Variants in SIDT2 observed in about 807,000 individuals in gnomAD.
The protein encoded by SIDT2 is SID1 transmembrane family member 2.
In SIDT2, 68 loss-of-function variants were observed where a neutral mutation model predicts 114.4. The ratio of observed to expected loss-of-function variants is 0.59; its 90% CI spans 0.49 to 0.73. SIDT2 has a LOEUF of 0.73. Ranked by LOEUF, SIDT2 falls within the 30% of genes least tolerant of loss-of-function variation. SIDT2 has a pLI of 0.00. For missense variants in SIDT2, 918 were observed against 1,097.1 expected (o/e 0.84, Z 2.31); for synonymous variants, 470 against 438.4 (o/e 1.07, Z -0.90).
intron 1 of SIDT2, chr11:117,179,696 A>G: frequency 2.1e-6 from 1 of 487,660 alleles, no homozygotes; most frequent in East Asian, 3.5e-5. Flanking sequence ...CCATTCTTCC[A>G]TCAGTTGTGG....
intron 10 of SIDT2, 75 bp from the exon 11 acceptor site, chr11:117,187,303 C>T (rs2030533137): frequency 4.9e-6 from 7 of 1,432,202 alleles, no homozygotes; most frequent in Non-Finnish European, 4.9e-6. Flanking sequence ...TTCTCTGGAC[C>T]TTTCTTTGTT....
Position 117,182,095 on chromosome 11 carries a change from C to T in SIDT2, c.506C>T (p.Ala169Val). The T allele has an allele frequency of 6.2e-7, 1 of 1,614,010 alleles. No homozygotes were observed. The highest frequency in any genetic ancestry group is 1.1e-5 in the South Asian group (1 of 91,078). Residue 169 changes from alanine to valine, a missense_variant, in exon 4 of 26, where the codon GCA becomes GTA. By Grantham distance (64) the Ala-to-Val change is moderately conservative. Coordinates refer to ENST00000324225, the MANE Select transcript of SIDT2 (RefSeq NM_001040455.2). ...CAGTTCAGCTTCAATACCACAGCAG[C>T]ACAGCCCCAGGTAACATCTCCCTGT... ...GEQFSFNTTA[A>V]QPQYFKYEFP... is the part of the protein sequence containing the mutation.
chr11:117,195,819 G>A lies in SIDT2; in HGVS notation c.2340G>A (p.Ser780=), dbSNP rs777894432. ...LSTWQKTPAE[S]REHNRDCILL... is the part of the protein sequence containing the mutation. ...TCCCCAAGAAAACCCCTGCAGAGTC[G>A]AGGGAGCACAACCGGGACTGCATCC... The change falls in exon 25 of 26, where the codon TCG becomes TCA. Residue 780 remains serine (S), a synonymous_variant. Transcript: ENST00000324225. 8.1e-6 allele frequency: 13 copies of A among 1,614,184 alleles called. No individual in the cohort carries two copies. Among genetic ancestry groups the A allele is most frequent in the East Asian group, 4.5e-5 (2 of 44,874 alleles).
rs375518971 is a variant in SIDT2 at position 117,182,069 on chromosome 11, G to A, written c.480G>A (p.Glu160=). The change falls in exon 4 of 26, where the codon GAG becomes GAA. Residue 160 remains glutamate, a synonymous_variant. Transcript: ENST00000324225. Reference sequence around the variant, plus strand: ...CTTCTCTGCCCTGCAGGACTGGGGAGCAGTTCAGCTTCAATACCACAGCAG... The same window carrying A: ...CTTCTCTGCCCTGCAGGACTGGGGAACAGTTCAGCTTCAATACCACAGCAG... ...RMDDFVLRTG[E]QFSFNTTAAQ... is the part of the protein sequence containing the mutation. The A allele has an allele frequency of 8.5e-5, 138 of 1,614,092 alleles. No individual in the cohort carries two copies. The highest frequency in any genetic ancestry group is 7.6e-4 in the African/African-American group (57 of 75,036).
intron 15 of SIDT2, 135 bp downstream of exon 15, chr11:117,189,536 T>G: frequency 2.1e-6 from 2 of 939,542 alleles, no homozygotes; most frequent in South Asian, 3.2e-5. Flanking sequence ...CCCAGCCGAG[T>G]GACCCAGGGC....
In SIDT2 at chr11:117,195,991, G is replaced by A. The variant is rs374056535; in HGVS notation, c.2437-13G>A. ...CCTCCTTCTCTGTGGCTGATCTGGC[G>A]TCCACACCCCAGGTGTTGCTGACAC... On this transcript the variant is annotated splice_polypyrimidine_tract_variant and intron_variant, in intron 25 of 25. Coordinates refer to ENST00000324225, the MANE Select transcript of SIDT2 (RefSeq NM_001040455.2). The A allele has an allele frequency of 6.8e-6, 11 of 1,614,108 alleles. No individual in the cohort carries two copies. The highest frequency in any genetic ancestry group is 2.2e-5 in the East Asian group (1 of 44,892).
At chr11:117,179,659 GGCTC>G in intron 1 of SIDT2, 1 of 550,210 alleles carries the variant, frequency 1.8e-6, no homozygotes, top group South Asian at 2.5e-5. Flanking sequence ...TTTTGAAGTT[GGCTC>G]ATTCCCATCT....
chr11:117,196,053 T>A lies in SIDT2; in HGVS notation c.2486T>A (p.Ile829Asn), dbSNP rs769262214. The change falls in exon 26 of 26, where the codon ATC (isoleucine) becomes AAC (asparagine). Residue 829 changes from isoleucine to asparagine, a missense_variant. This residue lies in a region of SIDT2 where 275 missense variants were observed against 397.6 expected (regional missense o/e 0.69). Coordinates refer to ENST00000324225, the MANE Select transcript of SIDT2 (RefSeq NM_001040455.2). The surrounding 1 kb of genome is among the most constrained non-coding windows in gnomAD (Gnocchi z 4.9). ...CTGGATACTGTGCAGCGGGACAAGA[T>A]CTATGTCTTCTAGCAGGAGCTGGGC... ...DDLDTVQRDK[I>N]YVF is the part of the protein sequence containing the mutation. The A allele has an allele frequency of 6.2e-7, 1 of 1,614,192 alleles. No homozygotes were observed. The highest frequency in any genetic ancestry group is 1.7e-5 in the Admixed American group (1 of 60,032).
At chr11:117,184,523 A>G (rs888110737) in intron 8 of SIDT2, among the ~76,000 whole-genome samples, 1 of 152,228 alleles carries the variant, frequency 6.6e-6, no homozygotes, top group Non-Finnish European at 1.5e-5. Context: ...AAACACTGCT[A>G]TAAGATTGAG....
In SIDT2 at chr11:117,192,165, C is replaced by G; in HGVS notation, c.1873-89C>G. 6.6e-7 allele frequency: 1 copy of G among 1,505,916 alleles called. No homozygotes were observed. The highest frequency in any genetic ancestry group is 9.2e-7 in the Non-Finnish European group (1 of 1,088,968). The allele number at this position is 1,505,916 out of a possible 1,614,324, so 93.3% of individuals were successfully genotyped here. A position where few individuals can be genotyped will look rare whatever the true frequency, so the allele number is the denominator to read the frequency against. On this transcript the variant is annotated intron_variant, in intron 19 of 25. Coordinates refer to ENST00000324225, the MANE Select transcript of SIDT2 (RefSeq NM_001040455.2). This position sits in a 1 kb window ranked among gnomAD's most constrained non-coding sequence, Gnocchi z 5.9. The stretch of plus-strand genomic sequence containing the variant: ...CCTGGGCCCCTCTCAGAGTCCCAGC[C>G]TGGCTGAGCAGCCAGCCCCAGGAAG...
At position 117,185,908 on chromosome 11, in the gene SIDT2, G is replaced by A. The variant is rs551686617; in HGVS notation, c.869-222G>A. On this transcript the variant is annotated intron_variant, in intron 8 of 25. Transcript: ENST00000324225. ...AAAAAAAAAAAAAGTAGAAGAGAAA[G>A]TTCTAGCCCAGGGAGCAACATGAGC... 1.6e-5 allele frequency: 6 copies of A among 383,264 alleles called. No homozygotes were observed. In the East Asian group the frequency reaches 1.6e-4, roughly 10 times the overall value. The allele number at this position is 383,264 out of a possible 1,614,324, so 23.7% of individuals were successfully genotyped here.
chr11:117,192,444 C>G lies in SIDT2; in HGVS notation c.1981+82C>G. ...CGGACGCACGGGAGACGCTCAGGTT[C>G]TGTCTTGGGGGCCCTGGAGTCACTG... On this transcript the variant is annotated intron_variant, in intron 20 of 25. Transcript: ENST00000324225. The surrounding 1 kb of genome is among the most constrained non-coding windows in gnomAD (Gnocchi z 5.9). The G allele has an allele frequency of 7.1e-7, 1 of 1,404,184 alleles. No homozygotes were observed. Among genetic ancestry groups the G allele is most frequent in the Middle Eastern group, 1.8e-4 (1 of 5,706 alleles). The allele number at this position is 1,404,184 out of a possible 1,614,324, so 87.0% of individuals were successfully genotyped here.
At position 117,196,330 on chromosome 11, in the gene SIDT2, G is replaced by T; in HGVS notation, c.*264G>T. 1 of 534,486 alleles carries T rather than the reference G, an allele frequency of 1.9e-6. No homozygotes were observed. Among genetic ancestry groups the T allele is most frequent in the Non-Finnish European group, 3.4e-6 (1 of 296,594 alleles). 33.1% of individuals were successfully genotyped at this position (534,486 alleles called of 1,614,324 possible). On this transcript the variant is annotated 3_prime_UTR_variant, in exon 26 of 26. Transcript: ENST00000324225. The surrounding 1 kb of genome is among the most constrained non-coding windows in gnomAD (Gnocchi z 4.9). The stretch of plus-strand genomic sequence containing the variant: ...AATTGCTGCTTTCTTCTCAGTGTTG[G>T]GGCCTTCCATGGGCCCCTGTCCTTT...
Position 117,188,613 on chromosome 11 carries a change from A to C in SIDT2, c.1160-95A>C. Reference sequence around the variant, plus strand: ...CCAGCCCACAATTTGCCTCTTCCCTACTGCCTAATAATTGTTACAATTGCC... The same window carrying C: ...CCAGCCCACAATTTGCCTCTTCCCTCCTGCCTAATAATTGTTACAATTGCC... On this transcript the variant is annotated intron_variant, in intron 12 of 25. Coordinates refer to ENST00000324225, the MANE Select transcript of SIDT2 (RefSeq NM_001040455.2). This position sits in a 1 kb window ranked among gnomAD's most constrained non-coding sequence, Gnocchi z 4.0. 1.0e-6 allele frequency: 1 copy of C among 968,488 alleles called. No individual in the cohort carries two copies. The highest frequency in any genetic ancestry group is 1.6e-6 in the Non-Finnish European group (1 of 606,424). The allele number at this position is 968,488 out of a possible 1,614,324, so 60.0% of individuals were successfully genotyped here.
At position 117,195,788 on chromosome 11, in the gene SIDT2, T is replaced by C. The variant is rs755550903; in HGVS notation, c.2323-14T>C. The C allele has an allele frequency of 6.2e-7, 1 of 1,613,864 alleles. No individual in the cohort carries two copies. Among genetic ancestry groups the C allele is most frequent in the East Asian group, 2.2e-5 (1 of 44,874 alleles). On this transcript the variant is annotated splice_polypyrimidine_tract_variant and intron_variant, in intron 24 of 25. Coordinates refer to ENST00000324225, the MANE Select transcript of SIDT2 (RefSeq NM_001040455.2). ...AGCAGGGTCATTCGGCAGTTTTTCT[T>C]GTTGCTCCCCAAGAAAACCCCTGCA...
intron 11 of SIDT2, 85 bp downstream of exon 11, chr11:117,187,534 C>T: frequency 1.3e-6 from 2 of 1,589,144 alleles, no homozygotes; most frequent in Non-Finnish European, 1.7e-6. Context: ...AAAGTGGGAG[C>T]CACCTCCTCC....
intron 15 of SIDT2, 74 bp from the exon 16 acceptor site, chr11:117,189,878 G>A (rs913220865): frequency 4.1e-6 from 6 of 1,478,934 alleles, no homozygotes; most frequent in Non-Finnish European, 4.7e-6. Context: ...TTTGCCAAAG[G>A]GGCCCGGATG....
At chr11:117,191,168 T>G (rs1356218742) in intron 18 of SIDT2, 1 of 155,178 alleles carries the variant, frequency 6.4e-6, no homozygotes, top group Admixed American at 6.4e-5. Context: ...TCCCAGCTGC[T>G]CGGGAGGCTG....
intron 10 of SIDT2, chr11:117,186,970 C>T (rs972551739): frequency 1.2e-5 from 18 of 1,463,532 alleles, no homozygotes; most frequent in East Asian, 5.9e-5. Context: ...CTCCCTCCTG[C>T]GTGGGACCTT....
Sources: allele counts gnomAD v4.1 joint callset (sites outside exome capture counted in the v4.1 genomes callset), GRCh38; gene constraint gnomAD v4.1.1; regional missense constraint gnomAD v4.1.1; non-coding constraint Gnocchi (gnomAD v3.1); transcripts MANE v1.5; gene names NCBI Gene and HGNC (gene_info 2026-07-23, HGNC 2026-07-21).